Variants in GRIK1 observed in about 807,000 individuals in gnomAD.
GRIK1 encodes glutamate receptor ionotropic, kainate 1.
Under a neutral mutation model 105.7 loss-of-function variants are expected in GRIK1, and 69 were observed. That is an observed-to-expected ratio of 0.65 (90% CI 0.54 to 0.80). The LOEUF is 0.80. GRIK1 is among the 30% of genes least tolerant of loss of function. GRIK1 has a pLI of 0.00. For synonymous variants in GRIK1, 438 were observed against 431.3 expected (o/e 1.02, Z -0.19); for missense variants, 1,109 against 1,167.3 (o/e 0.95, Z 0.73).
intron 1 of GRIK1, among the ~76,000 whole-genome samples, chr21:29,730,345 G>T (rs2064582671): frequency 2.0e-5 from 3 of 152,214 alleles, no homozygotes; most frequent in South Asian, 4.1e-4. Context: ...TGCAAAACAG[G>T]ATAAGCAGAG....
intron 1 of GRIK1, among the ~76,000 whole-genome samples, chr21:29,710,842 T>C (rs899624681): frequency 3.0e-4 from 31 of 102,576 alleles, no homozygotes; most frequent in African/African-American, 1.0e-3. Flanking sequence ...CTTCCTTCCT[T>C]TTCTCTCCCT....
chr21:29,566,766 C>T (rs1456959764), intron 14 of GRIK1, among the ~76,000 whole-genome samples: 2 of 152,040 alleles, frequency 1.3e-5, no homozygotes, highest in Non-Finnish European at 2.9e-5. Context: ...GAAAGACGTA[C>T]CATTATTATT....
chr21:29,682,413 A>G (rs1203806126), intron 3 of GRIK1, among the ~76,000 whole-genome samples: 3 of 152,218 alleles, frequency 2.0e-5, no homozygotes, highest in South Asian at 2.1e-4. Context: ...GGGCCTATCC[A>G]TAGGTAAATT....
chr21:29,847,661 G>T (rs141072665), intron 1 of GRIK1, among the ~76,000 whole-genome samples: 3 of 152,138 alleles, frequency 2.0e-5, no homozygotes, highest in Admixed American at 1.3e-4. Context: ...CTATTTCTGG[G>T]CTCTGCATCT....
At chr21:29,719,547 T>C (rs1268911546) in intron 1 of GRIK1, among the ~76,000 whole-genome samples, 4 of 152,176 alleles carry the variant, frequency 2.6e-5, no homozygotes, top group Non-Finnish European at 4.4e-5. Flanking sequence ...AGGTTTCAAA[T>C]ATTCAACTAA....
At chr21:29,906,662 T>C (rs989162527) in intron 1 of GRIK1, among the ~76,000 whole-genome samples, 1 of 152,112 alleles carries the variant, frequency 6.6e-6, no homozygotes, top group African/African-American at 2.4e-5. Context: ...AAAAGGATAA[T>C]TCAGGAGGGG....
intron 1 of GRIK1, among the ~76,000 whole-genome samples, chr21:29,747,198 TA>T (rs2065068239): frequency 2.0e-5 from 3 of 152,222 alleles, no homozygotes; most frequent in African/African-American, 7.2e-5. Context: ...TGCCTGAATG[TA>T]TTAGAGTACT....
intron 16 of GRIK1, among the ~76,000 whole-genome samples, chr21:29,545,876 T>C (rs191335260): frequency 6.6e-6 from 1 of 152,368 alleles, no homozygotes; most frequent in East Asian, 1.9e-4. Flanking sequence ...CATCTGCTAG[T>C]GTGTCTTATC....
intron 1 of GRIK1, among the ~76,000 whole-genome samples, chr21:29,717,437 A>G (rs1485668072): frequency 1.3e-5 from 2 of 152,382 alleles, no homozygotes; most frequent in Non-Finnish European, 2.9e-5. Context: ...ATGCAAAGCC[A>G]GAGGGGCAAG....
At chr21:29,694,088 A>ACC in intron 1 of GRIK1, 25 bp from the exon 2 acceptor site, 1 of 1,411,816 alleles carries the variant, frequency 7.1e-7, no homozygotes, top group Non-Finnish European at 1.0e-6. Flanking sequence ...GAGATGCATG[A>ACC]GAAGCGTTAG....
At chr21:29,759,823 T>C (rs924782579) in intron 1 of GRIK1, among the ~76,000 whole-genome samples, 3 of 152,212 alleles carry the variant, frequency 2.0e-5, no homozygotes, top group Non-Finnish European at 4.4e-5. Context: ...CCCTGGAAGG[T>C]AGGCAGTGAT....
At chr21:29,710,233 A>T (rs1051383570) in intron 1 of GRIK1, among the ~76,000 whole-genome samples, 2 of 152,058 alleles carry the variant, frequency 1.3e-5, no homozygotes, top group Non-Finnish European at 2.9e-5. Context: ...GTATTTGATC[A>T]GTGAGAGTTT....
chr21:29,760,556 T>A (rs1285478998), intron 1 of GRIK1: 2 of 152,246 alleles, frequency 1.3e-5, no homozygotes, highest in Non-Finnish European at 2.9e-5. Context: ...TGGTGGCACA[T>A]AATCAAATTA....
At chr21:29,772,682 T>C (rs2065842164) in intron 1 of GRIK1, among the ~76,000 whole-genome samples, 1 of 152,196 alleles carries the variant, frequency 6.6e-6, no homozygotes, top group Non-Finnish European at 1.5e-5. Context: ...TAAATTTGCG[T>C]ATGTGAAACC....
intron 1 of GRIK1, among the ~76,000 whole-genome samples, chr21:29,739,285 A>C (rs991952497): frequency 1.3e-5 from 2 of 152,182 alleles, no homozygotes; most frequent in African/African-American, 4.8e-5. Context: ...GATGAGAAAC[A>C]GAAGACATTC....
At chr21:29,813,733 G>A (rs2067074247) in intron 1 of GRIK1, among the ~76,000 whole-genome samples, 1 of 151,930 alleles carries the variant, frequency 6.6e-6, no homozygotes, top group African/African-American at 2.4e-5. Context: ...CATATGATTT[G>A]TATGCCAGGT....
intron 7 of GRIK1, among the ~76,000 whole-genome samples, chr21:29,620,304 A>C (rs1568896531): frequency 6.6e-6 from 1 of 152,126 alleles, no homozygotes; most frequent in Non-Finnish European, 1.5e-5. Flanking sequence ...GCCTGAGTGG[A>C]CTTTTTCTTG....
intron 14 of GRIK1, among the ~76,000 whole-genome samples, chr21:29,562,060 A>G (rs1490113768): frequency 1.3e-5 from 2 of 152,216 alleles, no homozygotes; most frequent in Non-Finnish European, 2.9e-5. Context: ...GGAGGCAGCT[A>G]TTACATGGAG....
intron 1 of GRIK1, among the ~76,000 whole-genome samples, chr21:29,892,553 G>A (rs987894938): frequency 6.6e-6 from 1 of 152,224 alleles, no homozygotes; most frequent in African/African-American, 2.4e-5. Flanking sequence ...TGGCAGGCCA[G>A]GGCAGCTGGC....
Sources: gnomAD v4.1 joint callset for allele counts (sites outside exome capture counted in the v4.1 genomes callset) on GRCh38, gnomAD v4.1.1 for gene constraint, MANE v1.5 for transcripts, NCBI Gene and HGNC (gene_info 2026-07-23, HGNC 2026-07-21) for gene names.